The following METTL21A variants were observed in gnomAD, a reference collection of about 807,000 sequenced individuals.
METTL21A encodes the protein methyltransferase 21A, HSPA lysine, also known as protein N-lysine methyltransferase METTL21A.
In METTL21A, 22 loss-of-function variants were observed where a neutral mutation model predicts 20.9. The ratio of observed to expected loss-of-function variants is 1.05; its 90% confidence interval spans 0.75 to 1.50. The LOEUF (loss-of-function observed/expected upper bound fraction) is 1.50, where lower values mean the gene tolerates loss of function less well. Ranked by LOEUF, METTL21A falls within the 40% of genes most tolerant of loss-of-function variation. The pLI, the probability that METTL21A is intolerant of heterozygous loss-of-function variation, is 0.00. For synonymous variants in METTL21A, 93 were observed against 102.0 expected (o/e 0.91, Z 0.53); for missense variants, 271 against 266.8 (o/e 1.02, Z -0.11).
At chr2:207,597,310 C>T in intron 3 of METTL21A, 1 of 390,382 alleles carries the variant, frequency 2.6e-6, no homozygotes, top group Non-Finnish European at 4.5e-6. Flanking sequence ...CTTTTCAACC[C>T]CCACCCTCCT....
chr2:207,625,035 C>G (rs1575173514), intron 1 of METTL21A, 27 bp downstream of exon 1: 1 of 152,430 alleles, frequency 6.6e-6, no homozygotes. Flanking sequence ...CCTCCCCGAA[C>G]TCCCCCTATA....
At chr2:207,604,571 G>C (rs976872966), downstream of METTL21A, among the ~76,000 whole-genome samples, 1 of 152,178 alleles carries the variant, frequency 6.6e-6, no homozygotes, top group African/African-American at 2.4e-5. Context: ...ATAATGTCCA[G>C]GAGTTGGAAT....
intron 3 of METTL21A, among the ~76,000 whole-genome samples, chr2:207,618,725 C>A (rs1410130134): frequency 6.7e-6 from 1 of 148,616 alleles, no homozygotes; most frequent in Non-Finnish European, 1.5e-5. Context: ...ACAACAACAA[C>A]AAAAGGTATG....
In METTL21A at chr2:207,598,486, TAAAAAA is replaced by T. The variant is rs143222694; in HGVS notation, c.260-16332_260-16327del. 35 of 169,122 alleles carry T rather than the reference TAAAAAA, an allele frequency of 2.1e-4. No individual in the cohort carries two copies. In the South Asian group the frequency reaches 6.8e-3, roughly 33 times the overall value. The allele number at this position is 169,122 out of a possible 1,614,324, so 10.5% of individuals were successfully genotyped here. A position where few individuals can be genotyped will look rare whatever the true frequency, so the allele number is the denominator to read the frequency against. ...GCTCGATAAATCTAACAGTTACTCT[TAAAAAA>T]AAAAAAAAAAGACTAAGGTGGATTT... On this transcript the variant is annotated intron_variant, in intron 3 of 3. Coordinates refer to the METTL21A transcript ENST00000425132.
rs1413891016 is a variant in METTL21A, at chr2:207,621,934, T to A, written c.148-17A>T. 5 of 1,607,142 alleles carry A rather than the reference T, an allele frequency of 3.1e-6. No homozygotes were observed. The highest frequency in any genetic ancestry group is 4.3e-6 in the Non-Finnish European group (5 of 1,173,894). On this transcript the variant is annotated splice_polypyrimidine_tract_variant and intron_variant, in intron 2 of 3. Coordinates refer to ENST00000406927, the Ensembl canonical transcript of METTL21A. ...AACGATGGCCTGAATGAAAACACAGTGTGATGACGATTAAGGTCAACATGT... is the reference window on the plus strand; with the variant it reads ...AACGATGGCCTGAATGAAAACACAGAGTGATGACGATTAAGGTCAACATGT...
intron 3 of METTL21A, among the ~76,000 whole-genome samples, chr2:207,585,631 T>G (rs2083684293): frequency 6.6e-6 from 1 of 152,122 alleles, no homozygotes; most frequent in Non-Finnish European, 1.5e-5. Context: ...ATAATGATCT[T>G]AAGAAAACTC....
At chr2:207,590,837 C>A (rs2084902409) in intron 3 of METTL21A, among the ~76,000 whole-genome samples, 1 of 151,994 alleles carries the variant, frequency 6.6e-6, no homozygotes, top group Non-Finnish European at 1.5e-5. Context: ...GATTTAAGCC[C>A]TTTTTTTCTA....
intron 3 of METTL21A, among the ~76,000 whole-genome samples, chr2:207,583,526 G>A (rs2106633952): frequency 6.6e-6 from 1 of 152,274 alleles, no homozygotes; most frequent in East Asian, 1.9e-4. Flanking sequence ...TGGCCTAATA[G>A]TATTTAGCAA....
intron 2 of METTL21A, among the ~76,000 whole-genome samples, chr2:207,622,658 G>A (rs750378267): frequency 2.0e-5 from 3 of 152,218 alleles, no homozygotes; most frequent in South Asian, 2.1e-4. Flanking sequence ...TCTGAACTGC[G>A]TCACTGATGG....
At chr2:207,617,572 G>C (rs939755571) in intron 3 of METTL21A, among the ~76,000 whole-genome samples, 1 of 152,224 alleles carries the variant, frequency 6.6e-6, no homozygotes, top group East Asian at 1.9e-4. Context: ...GGCAGGATGC[G>C]ATAACAAAGC....
intron 3 of METTL21A, chr2:207,598,142 CAG>C (rs1425761123): frequency 3.9e-5 from 7 of 180,318 alleles, no homozygotes; most frequent in East Asian, 1.8e-4. Flanking sequence ...AACAATTTAA[CAG>C]AGAATCTCTA....
downstream of METTL21A, chr2:207,581,041 C>T: frequency 4.6e-6 from 1 of 216,308 alleles, no homozygotes; most frequent in Non-Finnish European, 9.3e-6. Context: ...GTAATACAAT[C>T]TATCACCTTT....
In METTL21A at chr2:207,612,926, CT is replaced by C. The variant is rs2089161929; in HGVS notation, c.*119del. The stretch of plus-strand genomic sequence containing the variant: ...TAAAACTGCACATGTGCTTTCTCCC[CT>C]GAGAACCTTTGGCTTAGACTTTTTG... On this transcript the variant is annotated 3_prime_UTR_variant, in exon 4 of 4. Transcript: ENST00000406927. 4 of 1,060,058 alleles carry C rather than the reference CT, an allele frequency of 3.8e-6. No homozygotes were observed. The East Asian group carries it at 7.4e-5, about 20-fold the overall frequency. The allele number at this position is 1,060,058 out of a possible 1,614,324, so 65.7% of individuals were successfully genotyped here.
Position 207,601,716 on chromosome 2 carries a change from G to T in METTL21A, c.260-19556C>A, listed in dbSNP as rs185366371. 828 of 213,564 alleles carry T rather than the reference G, an allele frequency of 3.9e-3. 11 individuals are homozygous for T. Among genetic ancestry groups the T allele is most frequent in the Non-Finnish European group, 3.7e-3 (393 of 105,726 alleles). The allele number at this position is 213,564 out of a possible 1,614,324, so 13.2% of individuals were successfully genotyped here. On this transcript the variant is annotated intron_variant, in intron 3 of 3. Coordinates refer to the METTL21A transcript ENST00000425132. ...TACTGAAATATGTTCATTTTTAATGGCTTTGTTAACATCAAAGAAATGCTG... is the reference window on the plus strand; with the variant it reads ...TACTGAAATATGTTCATTTTTAATGTCTTTGTTAACATCAAAGAAATGCTG...
chr2:207,623,842 G>A (rs1385074037), intron 2 of METTL21A, among the ~76,000 whole-genome samples: 5 of 152,184 alleles, frequency 3.3e-5, no homozygotes, highest in Non-Finnish European at 7.3e-5. Context: ...AACAGAACGA[G>A]ACTATGTCTC....
chr2:207,609,493 A>G (rs2088614155), downstream of METTL21A: 1 of 152,222 alleles, frequency 6.6e-6, no homozygotes, highest in South Asian at 2.1e-4. Flanking sequence ...CTGGGGAAGC[A>G]ACAATGGAAG....
rs980918827 is a variant in METTL21A at position 207,613,164 on chromosome 2, T to C, written c.539A>G (p.Asp180Gly). 4 of 1,613,962 alleles carry C rather than the reference T, an allele frequency of 2.5e-6. No homozygotes were observed. The African/African-American group carries it at 4.0e-5, about 16-fold the overall frequency. ...CTCCAGCATTGCTAAGAAGTTGTTA[T>C]CCCGTTCATAGCGAATTCGGCATGC... The change falls in exon 4 of 4, where the codon GAT (aspartate) becomes GGT (glycine). Residue 180 changes from aspartate to glycine, a missense_variant. Coordinates refer to ENST00000406927, the Ensembl canonical transcript of METTL21A.
exon 1 of METTL21A, chr2:207,625,360 G>A (rs1031285168): frequency 1.3e-5 from 2 of 152,088 alleles, no homozygotes; most frequent in Non-Finnish European, 2.9e-5. Context: ...CGCGACGCGG[G>A]GGCGGGCGGC....
intron 3 of METTL21A, chr2:207,597,674 T>G (rs2086393578): frequency 4.8e-6 from 1 of 206,682 alleles, no homozygotes; most frequent in Non-Finnish European, 9.9e-6. Flanking sequence ...AAATTTGTCC[T>G]TGGTTCTTAA....
Sources: gnomAD v4.1 joint callset for allele counts (sites outside exome capture counted in the v4.1 genomes callset) on GRCh38, gnomAD v4.1.1 for gene constraint, MANE v1.5 for transcripts, NCBI Gene and HGNC (gene_info 2026-07-23, HGNC 2026-07-21) for gene names.